The following MEI1 variants were observed in gnomAD, a reference collection of about 807,000 sequenced individuals.
The protein encoded by MEI1 is meiotic double-stranded break formation protein 1, also known as meiosis inhibitor protein 1.
In MEI1, 103 loss-of-function variants were observed where a neutral mutation model predicts 146.2. That is an observed-to-expected ratio of 0.70 (90% CI 0.60 to 0.83). The LOEUF is 0.83. MEI1 is among the 40% of genes least tolerant of loss of function. The pLI, the probability that MEI1 is intolerant of heterozygous loss-of-function variation, is 0.00. For missense variants in MEI1, 1,529 were observed against 1,533.0 expected, an observed-to-expected ratio of 1.00 and a Z score of 0.04; for synonymous variants, 652 against 628.2, an observed-to-expected ratio of 1.04 and a Z score of -0.57.
intron 19 of MEI1, among the ~76,000 whole-genome samples, chr22:41,764,097 A>G (rs1177220277): frequency 6.6e-6 from 1 of 151,990 alleles, no homozygotes; most frequent in Non-Finnish European, 1.5e-5. Context: ...AATAGCTGGG[A>G]CTACTGGCGC....
At chr22:41,738,488 G>T (rs2072576982) in intron 11 of MEI1, among the ~76,000 whole-genome samples, 1 of 152,148 alleles carries the variant, frequency 6.6e-6, no homozygotes, top group Non-Finnish European at 1.5e-5. Context: ...ACAGGAGGCT[G>T]AGGCAGGAGA....
intron 11 of MEI1, among the ~76,000 whole-genome samples, chr22:41,737,298 G>GCGAT: frequency 6.6e-6 from 1 of 151,522 alleles, no homozygotes; most frequent in African/African-American, 2.4e-5. Context: ...GTGCAGTGGC[G>GCGAT]CGATCTCGGC....
At chr22:41,710,718 A>G (rs1038403641) in intron 3 of MEI1, among the ~76,000 whole-genome samples, 4 of 152,218 alleles carry the variant, frequency 2.6e-5, no homozygotes, top group Admixed American at 2.6e-4. Context: ...GAATACCATG[A>G]TATTGAATAA....
intron 15 of MEI1, among the ~76,000 whole-genome samples, chr22:41,750,687 G>A (rs2073688247): frequency 1.3e-5 from 2 of 152,188 alleles, no homozygotes; most frequent in Non-Finnish European, 2.9e-5. Context: ...GAGACTGGTT[G>A]TTAGCCCATG....
intron 19 of MEI1, chr22:41,767,593 G>A (rs1418904060): frequency 2.2e-6 from 1 of 455,994 alleles, no homozygotes; most frequent in Non-Finnish European, 4.4e-6. Flanking sequence ...ATTGCAGTTT[G>A]ATCAGCATTT....
intron 21 of MEI1, among the ~76,000 whole-genome samples, chr22:41,777,348 G>T (rs1396236866): frequency 6.6e-6 from 1 of 150,746 alleles, no homozygotes; most frequent in Non-Finnish European, 1.5e-5. Flanking sequence ...TTAGAGGTGG[G>T]TTTCACTATA....
At chr22:41,721,652 C>T (rs2070817756) in intron 6 of MEI1, among the ~76,000 whole-genome samples, 1 of 151,310 alleles carries the variant, frequency 6.6e-6, no homozygotes. Flanking sequence ...CTTGGACTTC[C>T]GAAGTGCTGG....
intron 24 of MEI1, among the ~76,000 whole-genome samples, chr22:41,782,970 A>T (rs905386990): frequency 6.6e-6 from 1 of 151,826 alleles, no homozygotes; most frequent in Non-Finnish European, 1.5e-5. Context: ...TGCATGTCCT[A>T]TCATTGCAGC....
At chr22:41,784,891 GACTTTTT>G in intron 26 of MEI1, 108 bp downstream of exon 26, 66 of 595,792 alleles carry the variant, frequency 1.1e-4, no homozygotes, top group Middle Eastern at 5.1e-4. Context: ...GGTGGATTAA[GACTTTTT>G]TAAAAAAATT....
Position 41,746,005 on chromosome 22 carries a change from G to T in MEI1, c.1659G>T (p.Ser553=). The change falls in exon 14 of 31, where the codon TCG becomes TCT. Residue 553 remains serine, a synonymous_variant. Coordinates refer to ENST00000401548, the MANE Select transcript of MEI1 (RefSeq NM_152513.4). ...FSEFLLSACD[S]LCIPMVMRHL... ...AATTTCTTCTCAGTGCCTGTGACTC[G>T]CTGTGTATCCCCATGGTGATGGTGG... is the stretch of plus-strand genomic sequence containing the variant. The T allele has an allele frequency of 1.2e-6, 2 of 1,606,000 alleles. No homozygotes were observed. The highest frequency in any genetic ancestry group is 1.7e-4 in the Middle Eastern group (1 of 6,036).
intron 7 of MEI1, among the ~76,000 whole-genome samples, chr22:41,726,472 A>G (rs1479154579): frequency 1.3e-5 from 2 of 152,248 alleles, no homozygotes; most frequent in African/African-American, 2.4e-5. Flanking sequence ...GTGTTATCAA[A>G]TCACAAAACT....
chr22:41,718,718 T>G (rs921216237), intron 6 of MEI1, among the ~76,000 whole-genome samples: 3 of 152,098 alleles, frequency 2.0e-5, no homozygotes, highest in Non-Finnish European at 4.4e-5. Flanking sequence ...ACTTATTGGT[T>G]CAGAAATTTA....
chr22:41,769,467 T>C (rs939719196), intron 19 of MEI1, among the ~76,000 whole-genome samples: 1 of 120,202 alleles, frequency 8.3e-6, no homozygotes, highest in African/African-American at 2.7e-5. Flanking sequence ...TATAATAGCA[T>C]ATTAAGGAAT....
At chr22:41,708,450 A>C (rs1275433701) in intron 3 of MEI1, among the ~76,000 whole-genome samples, 1 of 151,366 alleles carries the variant, frequency 6.6e-6, no homozygotes, top group East Asian at 1.9e-4. Flanking sequence ...TTTATTAAAG[A>C]TACTTTCCAT....
intron 19 of MEI1, among the ~76,000 whole-genome samples, chr22:41,768,687 G>A (rs1239846294): frequency 1.3e-5 from 2 of 152,122 alleles, no homozygotes; most frequent in Non-Finnish European, 2.9e-5. Flanking sequence ...GAGGAAGAGA[G>A]TGAAAAGGGA....
chr22:41,794,169 A>G (rs913219453), intron 27 of MEI1, among the ~76,000 whole-genome samples: 2 of 152,206 alleles, frequency 1.3e-5, no homozygotes, highest in Non-Finnish European at 2.9e-5. Context: ...GCCTTCCACA[A>G]TCATGGCGTA....
At chr22:41,721,779 C>T (rs1182322842) in intron 6 of MEI1, among the ~76,000 whole-genome samples, 8 of 125,052 alleles carry the variant, frequency 6.4e-5, no homozygotes, top group East Asian at 2.5e-4. Flanking sequence ...GGAGTGCAGT[C>T]GCACGATCTC....
At chr22:41,750,396 T>C (rs993361443) in intron 15 of MEI1, among the ~76,000 whole-genome samples, 3 of 152,152 alleles carry the variant, frequency 2.0e-5, no homozygotes. Context: ...GATTGAAAAA[T>C]GTCCATTGGA....
intron 8 of MEI1, among the ~76,000 whole-genome samples, chr22:41,729,981 G>T (rs2071715314): frequency 6.6e-6 from 1 of 152,190 alleles, no homozygotes; most frequent in African/African-American, 2.4e-5. Flanking sequence ...CTAATGTGGG[G>T]TGGTGAAAAG....
Sources: gnomAD v4.1 joint callset for allele counts (sites outside exome capture counted in the v4.1 genomes callset) on GRCh38, gnomAD v4.1.1 for gene constraint, MANE v1.5 for transcripts, NCBI Gene and HGNC (gene_info 2026-07-23, HGNC 2026-07-21) for gene names.